The following KHDRBS2 variants were observed in gnomAD, a reference collection of about 807,000 sequenced individuals.
KHDRBS2 encodes the protein KH RNA binding domain containing, signal transduction associated 2, also known as KH domain-containing, RNA-binding, signal transduction-associated protein 2.
KHDRBS2 carries 26 observed loss-of-function variants against 44.3 expected under a neutral mutation model. The observed-to-expected ratio is 0.59, with a 90% confidence interval of 0.43 to 0.81. The LOEUF (loss-of-function observed/expected upper bound fraction) is 0.81. Ranked by LOEUF, KHDRBS2 falls within the 40% of genes least tolerant of loss-of-function variation. KHDRBS2 has a pLI of 0.00. For missense variants in KHDRBS2, 476 were observed against 433.1 expected (o/e 1.10, Z -0.88); for synonymous variants, 194 against 151.1 (o/e 1.28, Z -2.08).
chr6:61,604,541 C>A, the KHDRBS2 span, among the ~76,000 whole-genome samples: 1 of 152,142 alleles, frequency 6.6e-6, no homozygotes, highest in African/African-American at 2.4e-5. Context: ...TAACCTCTTC[C>A]ATGTAGGTTA....
At chr6:61,739,673 C>T (rs920819749) in intron 6 of KHDRBS2, among the ~76,000 whole-genome samples, 2 of 151,802 alleles carry the variant, frequency 1.3e-5, no homozygotes, top group Admixed American at 6.6e-5. Flanking sequence ...AGGAATAAAA[C>T]AAAACGTCAA....
intron 2 of KHDRBS2, among the ~76,000 whole-genome samples, chr6:62,149,009 A>G (rs1004152120): frequency 2.0e-5 from 3 of 152,058 alleles, no homozygotes; most frequent in African/African-American, 4.8e-5. Context: ...TCTTTCCCCA[A>G]TAACTGCCCT....
intron 1 of KHDRBS2, among the ~76,000 whole-genome samples, 193 bp from the exon 2 acceptor site, chr6:62,177,505 C>A (rs1175253938): frequency 6.6e-6 from 1 of 150,946 alleles, no homozygotes; most frequent in South Asian, 2.1e-4. Context: ...TGTAAGAGAA[C>A]CTCTGTCAAC....
At chr6:61,917,000 ATTCAAAATGATATTGAAACTTAGAAC>A (rs1268758157) in intron 4 of KHDRBS2, among the ~76,000 whole-genome samples, 1 of 68,420 alleles carries the variant, frequency 1.5e-5, no homozygotes, top group Non-Finnish European at 2.9e-5. Context: ...GCTGGTGGGG[ATTCAAAATGATATTGAAACTTAGAAC>A]CACAGTTTGA....
chr6:62,142,098 G>C lies in KHDRBS2; in HGVS notation c.219+35087C>G, dbSNP rs563145610. Among the ~76,000 whole-genome samples the C allele has an allele frequency of 4.6e-5, 7 of 152,062 alleles. No homozygotes were observed. In the South Asian group the frequency reaches 1.4e-3, roughly 31 times the overall value. ...TCTATGCTTTTCTTCTGAATATACT[G>C]AATTTGTGGGAAATAGAGAGAGAAG... is the stretch of plus-strand genomic sequence containing the variant. On this transcript the variant is annotated intron_variant, in intron 2 of 8. Transcript: ENST00000281156.
chr6:61,830,927 T>C (rs1442129777), intron 6 of KHDRBS2, among the ~76,000 whole-genome samples: 2 of 152,196 alleles, frequency 1.3e-5, no homozygotes, highest in African/African-American at 4.8e-5. Flanking sequence ...ATTTTATATA[T>C]CATTAGGGGA....
intron 4 of KHDRBS2, among the ~76,000 whole-genome samples, chr6:61,904,135 G>A (rs1804551092): frequency 6.6e-6 from 1 of 152,196 alleles, no homozygotes; most frequent in South Asian, 2.1e-4. Context: ...CCTGCCTAGA[G>A]GGGGAGTTCT....
intron 4 of KHDRBS2, among the ~76,000 whole-genome samples, chr6:61,963,541 T>C (rs1197888054): frequency 1.3e-5 from 2 of 152,072 alleles, no homozygotes; most frequent in Non-Finnish European, 2.9e-5. Flanking sequence ...GATGTGACTC[T>C]ATGAAAGGGG....
intron 1 of KHDRBS2, among the ~76,000 whole-genome samples, chr6:62,238,291 G>A (rs1834031650): frequency 6.6e-6 from 1 of 152,074 alleles, no homozygotes; most frequent in Non-Finnish European, 1.5e-5. Context: ...CAAGAAGCCT[G>A]GGAAGGAGAC....
intron 1 of KHDRBS2, among the ~76,000 whole-genome samples, chr6:62,222,614 C>G (rs1203786572): frequency 6.6e-6 from 1 of 152,112 alleles, no homozygotes; most frequent in Admixed American, 6.5e-5. Context: ...AATGGGGACA[C>G]AGCCAAACCA....
the KHDRBS2 span, among the ~76,000 whole-genome samples, chr6:61,595,727 CATTA>C: frequency 6.6e-5 from 10 of 151,770 alleles, no homozygotes; most frequent in South Asian, 6.2e-4. Context: ...CTCAATTTTT[CATTA>C]ATTAACAGAT....
intron 1 of KHDRBS2, among the ~76,000 whole-genome samples, chr6:62,192,339 C>T (rs1585136120): frequency 6.6e-6 from 1 of 152,140 alleles, no homozygotes; most frequent in East Asian, 1.9e-4. Flanking sequence ...AGAGGCTTTA[C>T]TGTTGCCAAA....
the KHDRBS2 span, among the ~76,000 whole-genome samples, chr6:61,575,560 G>T: frequency 6.6e-6 from 1 of 152,076 alleles, no homozygotes; most frequent in Non-Finnish European, 1.5e-5. Flanking sequence ...ATTCCTTAAA[G>T]AACTAAAAGT....
At chr6:61,609,158 G>T in the KHDRBS2 span, among the ~76,000 whole-genome samples, 1 of 152,132 alleles carries the variant, frequency 6.6e-6, no homozygotes, top group African/African-American at 2.4e-5. Context: ...AGGAGTTCGA[G>T]ACCAGCCTAG....
intron 3 of KHDRBS2, among the ~76,000 whole-genome samples, chr6:62,043,816 T>A (rs768114111): frequency 2.9e-4 from 44 of 152,082 alleles, no homozygotes; most frequent in Non-Finnish European, 7.4e-5. Context: ...TGGAAACATA[T>A]CTTAATACTT....
chr6:61,605,214 A>G, the KHDRBS2 span, among the ~76,000 whole-genome samples: 2 of 151,998 alleles, frequency 1.3e-5, no homozygotes, highest in Non-Finnish European at 2.9e-5. Flanking sequence ...CAGACACCAG[A>G]CCAACTTGGA....
At chr6:62,001,194 T>G (rs1778173485) in intron 3 of KHDRBS2, among the ~76,000 whole-genome samples, 1 of 152,164 alleles carries the variant, frequency 6.6e-6, no homozygotes, top group Non-Finnish European at 1.5e-5. Flanking sequence ...TTAAAGAATA[T>G]GCAAATTAGG....
intron 4 of KHDRBS2, among the ~76,000 whole-genome samples, chr6:61,923,573 A>G (rs1808446097): frequency 6.6e-6 from 1 of 152,242 alleles, no homozygotes; most frequent in African/African-American, 2.4e-5. Context: ...AAAATGAAAA[A>G]CCACATAATA....
chr6:61,902,206 C>A (rs1294226026), intron 4 of KHDRBS2, among the ~76,000 whole-genome samples: 1 of 152,186 alleles, frequency 6.6e-6, no homozygotes, highest in Non-Finnish European at 1.5e-5. Flanking sequence ...ACCTGGGCCT[C>A]CCAAAGTGCT....
Sources: gnomAD v4.1 joint callset for allele counts (sites outside exome capture counted in the v4.1 genomes callset) on GRCh38, gnomAD v4.1.1 for gene constraint, MANE v1.5 for transcripts, NCBI Gene and HGNC (gene_info 2026-07-23, HGNC 2026-07-21) for gene names.